DDC: variants seen among roughly 807,000 people sequenced by gnomAD.
DDC encodes the protein aromatic-L-amino-acid decarboxylase.
Under a neutral mutation model 60.0 loss-of-function variants are expected in DDC, and 43 were observed. The observed-to-expected ratio is 0.72, with a 90% CI of 0.56 to 0.92. DDC has a LOEUF of 0.92. DDC is among the 40% of genes least tolerant of loss of function. DDC has a pLI of 0.00. For synonymous variants in DDC, 232 were observed against 234.6 expected, an observed-to-expected ratio of 0.99 and a Z score of 0.10; for missense variants, 573 against 620.2, an observed-to-expected ratio of 0.92 and a Z score of 0.81.
At chr7:50,516,980 G>C (rs1438496106) in intron 6 of DDC, among the ~76,000 whole-genome samples, 1 of 152,124 alleles carries the variant, frequency 6.6e-6, no homozygotes, top group Non-Finnish European at 1.5e-5. Context: ...CAGATTCACA[G>C]CAGAATTCTA....
intron 6 of DDC, among the ~76,000 whole-genome samples, chr7:50,514,432 C>T (rs866203359): frequency 6.6e-6 from 1 of 152,092 alleles, no homozygotes; most frequent in Non-Finnish European, 1.5e-5. Context: ...TTCAACACCC[C>T]CCAAAAAAAT....
intron 12 of DDC, among the ~76,000 whole-genome samples, chr7:50,468,757 T>C (rs1295224980): frequency 7.9e-5 from 12 of 152,092 alleles, no homozygotes; most frequent in Non-Finnish European, 2.9e-5. Flanking sequence ...CTGAATATCA[T>C]AAGTGTGCTT....
In DDC at chr7:50,494,303, C is replaced by A. The variant is rs11575433; in HGVS notation, c.944+1047G>T. 5.7e-4 allele frequency among the ~76,000 whole-genome samples: 87 copies of A among 152,230 alleles called. 1 individual carries two copies. The East Asian group carries it at 0.015, about 27-fold the overall frequency. ...AGGGTGGATCATGAGGTCAGGAGAT[C>A]GAGACCATCCTGCCTAACACGGTGA... On this transcript the variant is annotated intron_variant, in intron 9 of 14. Transcript: ENST00000444124.
chr7:50,537,977 C>T lies in DDC; in HGVS notation c.318G>A (p.Ala106=), dbSNP rs374879595. 1.9e-5 allele frequency: 30 copies of T among 1,614,148 alleles called. No individual in the cohort carries two copies. Among genetic ancestry groups the T allele is most frequent in the South Asian group, 1.1e-4 (10 of 91,084 alleles). Reference sequence around the variant, plus strand: ...CCAGCTCTGTGCATGCTGGGCTTGCCGCCTGTCGTGGGGGAAGGGAAGGGA... The same window carrying T: ...CCAGCTCTGTGCATGCTGGGCTTGCTGCCTGTCGTGGGGGAAGGGAAGGGA... ...GAIGCIGFSW[A]ASPACTELET... is the part of the protein sequence containing the mutation. Residue 106 remains alanine (A), a splice_region_variant and synonymous_variant, in exon 4 of 15, where the codon GCG becomes GCA. Coordinates refer to ENST00000444124, the MANE Select transcript of DDC (RefSeq NM_001082971.2).
chr7:50,463,019 T>C (rs952610703), intron 14 of DDC, among the ~76,000 whole-genome samples, 194 bp downstream of exon 14: 10 of 152,292 alleles, frequency 6.6e-5, no homozygotes, highest in Non-Finnish European at 5.9e-5. Context: ...CTGCCCACCC[T>C]GGCCTCCCAA....
intron 9 of DDC, among the ~76,000 whole-genome samples, chr7:50,485,251 G>A (rs2042857740): frequency 6.6e-6 from 1 of 152,126 alleles, no homozygotes; most frequent in African/African-American, 2.4e-5. Context: ...GGACAGAATG[G>A]CTCACATTTA....
chr7:50,493,137 A>G, intron 9 of DDC: 1 of 752,390 alleles, frequency 1.3e-6, no homozygotes, highest in Non-Finnish European at 2.2e-6. Context: ...GAGCGTGGCA[A>G]TGTCTGTGTC....
At chr7:50,507,380 G>C (rs558432092) in intron 6 of DDC, among the ~76,000 whole-genome samples, 3 of 152,196 alleles carry the variant, frequency 2.0e-5, no homozygotes, top group African/African-American at 7.2e-5. Flanking sequence ...TGGGATTACA[G>C]GCACCACATC....
chr7:50,521,063 C>A (rs1161566271), intron 6 of DDC, among the ~76,000 whole-genome samples: 1 of 151,872 alleles, frequency 6.6e-6, no homozygotes, highest in Non-Finnish European at 1.5e-5. Flanking sequence ...AATTTTCAAA[C>A]ATTTATACAG....
intron 4 of DDC, among the ~76,000 whole-genome samples, chr7:50,536,032 G>A (rs2044397136): frequency 6.6e-6 from 1 of 152,140 alleles, no homozygotes; most frequent in African/African-American, 2.4e-5. Flanking sequence ...AACTGCTTAG[G>A]CCAAACCTGC....
At chr7:50,532,080 C>T (rs929713257) in intron 4 of DDC, among the ~76,000 whole-genome samples, 5 of 152,354 alleles carry the variant, frequency 3.3e-5, no homozygotes, top group Non-Finnish European at 5.9e-5. Flanking sequence ...GACTCAGACA[C>T]GCATCACTGC....
At chr7:50,466,505 A>C (rs199723084) in intron 13 of DDC, among the ~76,000 whole-genome samples, 2 of 136,642 alleles carry the variant, frequency 1.5e-5, no homozygotes, top group Admixed American at 6.9e-5. Context: ...AAAAAAAAAA[A>C]AAAAAAAAAA....
chr7:50,529,906 T>C (rs151065747), intron 4 of DDC, among the ~76,000 whole-genome samples: 319 of 152,238 alleles, frequency 2.1e-3, no homozygotes, highest in Middle Eastern at 0.02. Context: ...TATTTGGAGA[T>C]AGGCTTTTTA....
chr7:50,472,974 T>C (rs925758037), intron 11 of DDC, among the ~76,000 whole-genome samples: 6 of 152,122 alleles, frequency 3.9e-5, no homozygotes, highest in Admixed American at 3.3e-4. Context: ...AGAATGTCTA[T>C]GATATTCCTT....
chr7:50,547,234 G>A (rs1321735349), intron 1 of DDC, among the ~76,000 whole-genome samples: 5 of 149,122 alleles, frequency 3.4e-5, no homozygotes, highest in African/African-American at 7.4e-5. Context: ...TTTTTGAGAC[G>A]GAGTCTTGCT....
chr7:50,540,652 C>T (rs1468464821), intron 2 of DDC, among the ~76,000 whole-genome samples: 3 of 152,252 alleles, frequency 2.0e-5, no homozygotes, highest in African/African-American at 7.2e-5. Context: ...CCTCTGCTGT[C>T]CCTCAGCCTG....
chr7:50,487,559 T>C (rs2042912466), intron 9 of DDC, among the ~76,000 whole-genome samples: 1 of 152,080 alleles, frequency 6.6e-6, no homozygotes. Context: ...ATGGCTAGAG[T>C]TCTGAAGTAA....
At chr7:50,538,647 T>C (rs982965350) in intron 3 of DDC, among the ~76,000 whole-genome samples, 15 of 152,156 alleles carry the variant, frequency 9.9e-5, no homozygotes, top group Non-Finnish European at 2.2e-4. Flanking sequence ...GAGCCTATGC[T>C]CTCTGCTAGG....
At position 50,472,862 on chromosome 7, in the gene DDC, G is replaced by T. The variant is rs566601036; in HGVS notation, c.1042-2691C>A. Among the ~76,000 whole-genome samples, 75 of 152,186 alleles carry T rather than the reference G, an allele frequency of 4.9e-4. 1 individual carries two copies. In the South Asian group the frequency reaches 0.015, roughly 31 times the overall value. ...CTTTTCACCCCACACTTTCTCACTGGCCCAGTAGGCAGCCCACCATCCAGG... is the reference window on the plus strand; with the variant it reads ...CTTTTCACCCCACACTTTCTCACTGTCCCAGTAGGCAGCCCACCATCCAGG... On this transcript the variant is annotated intron_variant, in intron 11 of 14. Transcript: ENST00000444124.
Sources: allele counts gnomAD v4.1 joint callset (sites outside exome capture counted in the v4.1 genomes callset), GRCh38; gene constraint gnomAD v4.1.1; transcripts MANE v1.5; gene names NCBI Gene and HGNC (gene_info 2026-07-23, HGNC 2026-07-21).